The following B3GAT2 variants were observed in gnomAD, a reference collection of about 807,000 sequenced individuals.
B3GAT2 encodes galactosylgalactosylxylosylprotein 3-beta-glucuronosyltransferase 2.
B3GAT2 carries 26 observed loss-of-function variants against 27.8 expected under a neutral mutation model. That is an observed-to-expected ratio of 0.93 (90% CI 0.68 to 1.30). The LOEUF (loss-of-function observed/expected upper bound fraction) is 1.30, where lower values mean the gene tolerates loss of function less well. Among genes scored for constraint, B3GAT2 ranks in the 50% most tolerant of loss-of-function variants. The pLI, the probability that B3GAT2 is intolerant of heterozygous loss-of-function variation, is 0.00. For synonymous variants in B3GAT2, 218 were observed against 195.1 expected, an observed-to-expected ratio of 1.12 and a Z score of -0.98; for missense variants, 458 against 459.0, an observed-to-expected ratio of 1.00 and a Z score of 0.02.
chr6:70,927,926 T>G lies in B3GAT2; in HGVS notation c.591+27913A>C, dbSNP rs548902348. On this transcript the variant is annotated intron_variant, in intron 1 of 3. Transcript: ENST00000230053. ...TTGCACTTACTCCAAAATTAACCAC[T>G]TAGTTGGAAGTAAGGCACTCCTCAG... is the stretch of plus-strand genomic sequence containing the variant. 9.2e-5 allele frequency among the ~76,000 whole-genome samples: 14 copies of G among 152,126 alleles called. No individual in the cohort carries two copies. The East Asian group carries it at 2.7e-3, about 29-fold the overall frequency.
intron 1 of B3GAT2, among the ~76,000 whole-genome samples, chr6:70,934,473 C>T (rs1773110590): frequency 1.3e-5 from 2 of 151,756 alleles, no homozygotes; most frequent in Admixed American, 1.3e-4. Flanking sequence ...ACCTCCAGGG[C>T]ACCAAACAAA....
chr6:70,859,263 C>A lies in B3GAT2; in HGVS notation c.*2400G>T. 8.7e-7 allele frequency: 1 copy of A among 1,155,062 alleles called. No individual in the cohort carries two copies. Among genetic ancestry groups the A allele is most frequent in the Non-Finnish European group, 1.2e-6 (1 of 820,872 alleles). 71.6% of individuals were successfully genotyped at this position (1,155,062 alleles called of 1,614,324 possible). On this transcript the variant is annotated 3_prime_UTR_variant, in exon 4 of 4. Coordinates refer to ENST00000230053, the MANE Select transcript of B3GAT2 (RefSeq NM_080742.3). Reference sequence around the variant, plus strand: ...CAGTCACATGGTCAACATGCTGAAGCACACCCAGCTCAGGTTAAGGTGCTA... The same window carrying A: ...CAGTCACATGGTCAACATGCTGAAGAACACCCAGCTCAGGTTAAGGTGCTA...
At chr6:70,921,761 G>A (rs1206684094) in intron 1 of B3GAT2, among the ~76,000 whole-genome samples, 2 of 152,148 alleles carry the variant, frequency 1.3e-5, no homozygotes, top group Non-Finnish European at 2.9e-5. Context: ...CCTTTGGATA[G>A]GGCTTTTTAC....
At chr6:70,908,052 T>C (rs1772629770) in intron 1 of B3GAT2, among the ~76,000 whole-genome samples, 1 of 152,226 alleles carries the variant, frequency 6.6e-6, no homozygotes, top group South Asian at 2.1e-4. Context: ...GCCCAAACCT[T>C]GCTGACAATA....
chr6:70,893,832 C>T (rs908155339), intron 2 of B3GAT2, among the ~76,000 whole-genome samples: 3 of 152,106 alleles, frequency 2.0e-5, no homozygotes, highest in African/African-American at 4.8e-5. Context: ...CTCTCACCAC[C>T]GAATCCCCAG....
In B3GAT2 at chr6:70,930,955, T is replaced by C. The variant is rs574295660; in HGVS notation, c.591+24884A>G. 2.5e-4 allele frequency among the ~76,000 whole-genome samples: 38 copies of C among 151,882 alleles called. No homozygotes were observed. The South Asian group carries it at 3.3e-3, about 13-fold the overall frequency. Reference sequence around the variant, plus strand: ...AACCCAAATGTCCATCAATGACAGATTGGATTAAGAAAATGTGGCACATAT... The same window carrying C: ...AACCCAAATGTCCATCAATGACAGACTGGATTAAGAAAATGTGGCACATAT... On this transcript the variant is annotated intron_variant, in intron 1 of 3. Coordinates refer to ENST00000230053, the MANE Select transcript of B3GAT2 (RefSeq NM_080742.3).
intron 2 of B3GAT2, among the ~76,000 whole-genome samples, chr6:70,875,382 TA>T (rs1369278008): frequency 2.6e-5 from 4 of 152,198 alleles, no homozygotes; most frequent in Non-Finnish European, 5.9e-5. Context: ...CCACTAGATT[TA>T]AATCAAATAT....
intron 1 of B3GAT2, among the ~76,000 whole-genome samples, chr6:70,940,937 T>C (rs140876819): frequency 6.6e-6 from 1 of 152,216 alleles, no homozygotes; most frequent in Non-Finnish European, 1.5e-5. Flanking sequence ...CCGTTAGGAG[T>C]TAGCATCAGA....
chr6:70,876,583 C>T (rs1772018692), intron 2 of B3GAT2, among the ~76,000 whole-genome samples: 1 of 152,116 alleles, frequency 6.6e-6, no homozygotes, highest in African/African-American at 2.4e-5. Context: ...TATATGTAAA[C>T]AAATATTTAC....
chr6:70,916,570 A>G (rs559478455), intron 1 of B3GAT2, among the ~76,000 whole-genome samples: 1 of 152,272 alleles, frequency 6.6e-6, no homozygotes, highest in Admixed American at 6.5e-5. Flanking sequence ...GATACATTCT[A>G]TCAATACCTA....
intron 1 of B3GAT2, among the ~76,000 whole-genome samples, chr6:70,908,468 C>T (rs1304424409): frequency 1.3e-5 from 2 of 151,996 alleles, no homozygotes; most frequent in Non-Finnish European, 2.9e-5. Flanking sequence ...AAAATAAGTA[C>T]AGCATTTATG....
chr6:70,889,903 T>C (rs1040482751), intron 2 of B3GAT2, among the ~76,000 whole-genome samples: 1 of 151,658 alleles, frequency 6.6e-6, no homozygotes. Context: ...TGTCTCAGCC[T>C]CCTGAGTAGC....
chr6:70,917,309 C>T (rs1023757886), intron 1 of B3GAT2, among the ~76,000 whole-genome samples: 4 of 152,024 alleles, frequency 2.6e-5, no homozygotes, highest in African/African-American at 4.8e-5. Context: ...ATTAGTCTTG[C>T]TTGTCATGTA....
chr6:70,934,345 C>T (rs1395877512), intron 1 of B3GAT2, among the ~76,000 whole-genome samples: 2 of 152,024 alleles, frequency 1.3e-5, no homozygotes, highest in Non-Finnish European at 1.5e-5. Context: ...GCTTCTCTCT[C>T]GCTCTGCCCC....
At chr6:70,935,709 A>C (rs986904925) in intron 1 of B3GAT2, among the ~76,000 whole-genome samples, 1 of 152,104 alleles carries the variant, frequency 6.6e-6, no homozygotes, top group African/African-American at 2.4e-5. Context: ...TGCTGAGAGA[A>C]TTTGTCACCA....
Position 70,914,537 on chromosome 6 carries a change from A to AT in B3GAT2, c.592-20266dup, listed in dbSNP as rs553228424. ...TTTCTTTATCCAGTCTATTATTATT[A>AT]TTTTTTTTAACAAAGACATTTATTT... On this transcript the variant is annotated intron_variant, in intron 1 of 3. Coordinates refer to ENST00000230053, the MANE Select transcript of B3GAT2 (RefSeq NM_080742.3). Among the ~76,000 whole-genome samples, 344 of 151,688 alleles carry AT rather than the reference A, an allele frequency of 2.3e-3. 1 individual carries two copies. The highest frequency in any genetic ancestry group is 7.9e-3 in the African/African-American group (327 of 41,364).
rs1445183082 is a variant in B3GAT2 at position 70,956,442 on chromosome 6, C to T, written c.-13G>A. 1 of 1,550,772 alleles carries T rather than the reference C, an allele frequency of 6.4e-7. No homozygotes were observed. The highest frequency in any genetic ancestry group is 2.0e-5 in the Admixed American group (1 of 50,992). On this transcript the variant is annotated 5_prime_UTR_variant, in exon 1 of 4. Transcript: ENST00000230053. ...GCGCGGACTTCATGGTGCACGCTCCCTGGCCTCTCGGACACCCCAGAGAGG... is the reference window on the plus strand; with the variant it reads ...GCGCGGACTTCATGGTGCACGCTCCTTGGCCTCTCGGACACCCCAGAGAGG...
At chr6:70,952,036 A>C (rs1765586045) in intron 1 of B3GAT2, among the ~76,000 whole-genome samples, 1 of 152,182 alleles carries the variant, frequency 6.6e-6, no homozygotes, top group African/African-American at 2.4e-5. Flanking sequence ...AAACTCGTAT[A>C]TCCTTCAGAT....
At chr6:70,904,776 C>T (rs1346455238) in intron 1 of B3GAT2, among the ~76,000 whole-genome samples, 2 of 152,092 alleles carry the variant, frequency 1.3e-5, no homozygotes, top group Non-Finnish European at 2.9e-5. Context: ...TGTAGCTATT[C>T]TTGGGTAAAA....
Sources: allele counts gnomAD v4.1 joint callset (sites outside exome capture counted in the v4.1 genomes callset), GRCh38; gene constraint gnomAD v4.1.1; transcripts MANE v1.5; gene names NCBI Gene and HGNC (gene_info 2026-07-23, HGNC 2026-07-21).